Variants in ALX4 observed in about 807,000 individuals in gnomAD.
ALX4 encodes homeobox protein aristaless-like 4.
ALX4 carries 22 observed loss-of-function variants against 40.6 expected under a neutral mutation model. That is an observed-to-expected ratio of 0.54 (90% CI 0.39 to 0.77). The LOEUF (loss-of-function observed/expected upper bound fraction) is 0.77, where lower values mean the gene tolerates loss of function less well. Among genes scored for constraint, ALX4 ranks in the 30% least tolerant of loss-of-function variants. The pLI is 0.00. For missense variants in ALX4, 556 were observed against 564.8 expected (o/e 0.98, Z 0.16); for synonymous variants, 266 against 240.5 (o/e 1.11, Z -0.98).
At chr11:44,299,478 A>G (rs2119882010) in intron 1 of ALX4, among the ~76,000 whole-genome samples, 1 of 148,834 alleles carries the variant, frequency 6.7e-6, no homozygotes, top group East Asian at 2.0e-4. Context: ...CTCCTGCCTC[A>G]GTCTCCCAAG....
intron 1 of ALX4, among the ~76,000 whole-genome samples, chr11:44,283,673 C>T (rs996814797): frequency 7.9e-5 from 12 of 152,136 alleles, no homozygotes; most frequent in South Asian, 4.2e-4. Context: ...AAACGATTGT[C>T]GGACCTCGGC....
At chr11:44,271,266 G>A (rs1956245692) in intron 2 of ALX4, among the ~76,000 whole-genome samples, 1 of 152,336 alleles carries the variant, frequency 6.6e-6, no homozygotes, top group East Asian at 1.9e-4. Context: ...GAACAATCTG[G>A]CATGTGTCCT....
At chr11:44,270,028 G>A (rs1956236220) in intron 2 of ALX4, among the ~76,000 whole-genome samples, 1 of 152,136 alleles carries the variant, frequency 6.6e-6, no homozygotes, top group African/African-American at 2.4e-5. Flanking sequence ...TGGTGGGACT[G>A]TGGAAGTGGA....
chr11:44,281,146 G>T (rs1222359574), intron 1 of ALX4, among the ~76,000 whole-genome samples: 1 of 151,312 alleles, frequency 6.6e-6, no homozygotes, highest in African/African-American at 2.4e-5. Flanking sequence ...GTGATTTAAA[G>T]AATGACCTTC....
rs1205993941 is a variant in ALX4 at position 44,309,829 on chromosome 11, C to T, written c.234G>A (p.Glu78=). 2.6e-6 allele frequency: 4 copies of T among 1,554,338 alleles called. No homozygotes were observed. The East Asian group carries it at 9.7e-5, about 38-fold the overall frequency. The change falls in exon 1 of 4, where the codon GAG becomes GAA. Residue 78 remains glutamate (E), a synonymous_variant. Coordinates refer to ENST00000652299, the MANE Select transcript of ALX4 (RefSeq NM_021926.4). ...AGGAGCCCCGCGCCCCAGCTCCACTCTCCAGGGGTGTCGCCAGGTCCTGCT... is the reference window on the plus strand; with the variant it reads ...AGGAGCCCCGCGCCCCAGCTCCACTTTCCAGGGGTGTCGCCAGGTCCTGCT... The part of the protein sequence containing the change: ...AGQQDLATPL[E]SGAGARGSFN...
chr11:44,309,945 C>A lies in ALX4; in HGVS notation c.118G>T (p.Gly40Cys). Residue 40 changes from glycine to cysteine, a missense_variant, in exon 1 of 4, where the codon GGC becomes TGC. Physicochemically the swap from Gly to Cys is radical, Grantham distance 159 (BLOSUM62 -3). Transcript: ENST00000652299. ...GSSPFRAFPG[G>C]DKFGTTFLSA... ...AGGAAAGTTGTGCCGAACTTGTCGC[C>A]TCCGGGAAATGCCCTAAAAGGCGAC... 6.3e-7 allele frequency: 1 copy of A among 1,594,118 alleles called. No individual in the cohort carries two copies. The highest frequency in any genetic ancestry group is 1.1e-5 in the South Asian group (1 of 87,994).
chr11:44,275,805 T>C, intron 1 of ALX4, 147 bp from the exon 2 acceptor site: 1 of 742,530 alleles, frequency 1.3e-6, no homozygotes, highest in Non-Finnish European at 2.1e-6. Flanking sequence ...GAGACTTGGC[T>C]TCTAATTCTG....
rs1333208956 is a variant in ALX4 at position 44,267,576 on chromosome 11, A to G, written c.824T>C (p.Phe275Ser). Residue 275 changes from phenylalanine to serine, a missense_variant, in exon 3 of 4, where the codon TTT (phenylalanine) becomes TCT (serine). Physicochemically the swap from Phe to Ser is radical, Grantham distance 155. Coordinates refer to ENST00000652299, the MANE Select transcript of ALX4 (RefSeq NM_021926.4). ...RRAKWRKRER[F>S]GQMQQVRTHF... ...GGTTCGAACCTGCTGCATCTGCCCAAAACGCTCCCGCTTCCTCCACTTGGC... is the reference window on the plus strand; with the variant it reads ...GGTTCGAACCTGCTGCATCTGCCCAGAACGCTCCCGCTTCCTCCACTTGGC... The G allele has an allele frequency of 1.2e-6, 2 of 1,614,140 alleles. No individual in the cohort carries two copies. Among genetic ancestry groups the G allele is most frequent in the Non-Finnish European group, 1.7e-6 (2 of 1,180,020 alleles).
Position 44,261,413 on chromosome 11 carries a change from TAC to T in ALX4, c.*3439_*3440del, listed in dbSNP as rs374150602. 6.6e-5 allele frequency: 10 copies of T among 152,336 alleles called. No homozygotes were observed. In the South Asian group the frequency reaches 2.1e-3, roughly 32 times the overall value. 9.4% of individuals were successfully genotyped at this position (152,336 alleles called of 1,614,324 possible). A position where few individuals can be genotyped will look rare whatever the true frequency, so the allele number is the denominator to read the frequency against. ...GGACCCACCCCACACTTGCTGCACC[TAC>T]CCCATCGCAGTGTCTTTGAGCTAAC... is the stretch of plus-strand genomic sequence containing the variant. On this transcript the variant is annotated 3_prime_UTR_variant, in exon 4 of 4. Coordinates refer to ENST00000652299, the MANE Select transcript of ALX4 (RefSeq NM_021926.4).
At chr11:44,266,675 G>C (rs1231552573) in intron 3 of ALX4, among the ~76,000 whole-genome samples, 1 of 152,174 alleles carries the variant, frequency 6.6e-6, no homozygotes, top group East Asian at 1.9e-4. Flanking sequence ...AGCAGGTAGG[G>C]AGCAGCCGCT....
chr11:44,309,180 T>TCGCAGCCTCGCAGCCCCGCAGCCC (rs1956488956), intron 1 of ALX4, among the ~76,000 whole-genome samples: 2 of 138,668 alleles, frequency 1.4e-5, no homozygotes, highest in Admixed American at 7.0e-5. Context: ...CCCCGCAGCC[T>TCGCAGCCTCGCAGCCCCGCAGCCC]CGCAGCCCCG....
intron 1 of ALX4, among the ~76,000 whole-genome samples, chr11:44,293,272 G>T (rs763324881): frequency 3.3e-5 from 5 of 152,058 alleles, no homozygotes; most frequent in Non-Finnish European, 5.9e-5. Flanking sequence ...ATTCAAAAAA[G>T]TCTCTTCTTT....
intron 1 of ALX4, among the ~76,000 whole-genome samples, chr11:44,284,096 A>T (rs1956325058): frequency 6.6e-6 from 1 of 152,216 alleles, no homozygotes; most frequent in African/African-American, 2.4e-5. Flanking sequence ...AATTTATATC[A>T]AATAAATCTC....
chr11:44,292,078 A>G (rs1956372880), intron 1 of ALX4, among the ~76,000 whole-genome samples: 1 of 152,134 alleles, frequency 6.6e-6, no homozygotes, highest in Non-Finnish European at 1.5e-5. Flanking sequence ...CGGCCTCCCA[A>G]AGTGCTGGGA....
chr11:44,267,883 T>C (rs1007135831), intron 2 of ALX4, among the ~76,000 whole-genome samples: 1 of 152,208 alleles, frequency 6.6e-6, no homozygotes, highest in Non-Finnish European at 1.5e-5. Flanking sequence ...TTTTCTAAGC[T>C]TGAGAATCTA....
chr11:44,296,398 C>T (rs962204453), intron 1 of ALX4, among the ~76,000 whole-genome samples: 10 of 152,130 alleles, frequency 6.6e-5, no homozygotes, highest in South Asian at 2.1e-4. Flanking sequence ...GAGTTATTGA[C>T]GATTTCTTGA....
At chr11:44,305,392 T>A (rs1956460470) in intron 1 of ALX4, among the ~76,000 whole-genome samples, 1 of 152,218 alleles carries the variant, frequency 6.6e-6, no homozygotes, top group Admixed American at 6.5e-5. Context: ...ATTAAAAGCA[T>A]CTTCCTTCGC....
chr11:44,309,205 C>CGCAGCCCCGCAGCCCT (rs1956489651), intron 1 of ALX4, among the ~76,000 whole-genome samples: 1 of 150,358 alleles, frequency 6.7e-6, no homozygotes, highest in Admixed American at 6.6e-5. Context: ...CCCGCAGCCC[C>CGCAGCCCCGCAGCCCT]GCAGCCCCGC....
At chr11:44,304,941 G>T (rs1040802233) in intron 1 of ALX4, among the ~76,000 whole-genome samples, 1 of 152,230 alleles carries the variant, frequency 6.6e-6, no homozygotes, top group Non-Finnish European at 1.5e-5. Flanking sequence ...CAGCCGCTTG[G>T]AACTTCGCAT....
Sources: gnomAD v4.1 joint callset for allele counts (sites outside exome capture counted in the v4.1 genomes callset) on GRCh38, gnomAD v4.1.1 for gene constraint, MANE v1.5 for transcripts, NCBI Gene and HGNC (gene_info 2026-07-23, HGNC 2026-07-21) for gene names.